The following NALF1 variants were observed in gnomAD, a reference collection of about 807,000 sequenced individuals.
NALF1 encodes the protein family with sequence similarity 155 member A.
A neutral mutation model predicts 48.4 loss-of-function variants in NALF1; 3 were observed. The observed-to-expected ratio is 0.06, with a 90% CI of 0.03 to 0.16. The LOEUF is 0.16. Among genes scored for constraint, NALF1 ranks in the 10% least tolerant of loss-of-function variants. The pLI, the probability that NALF1 is intolerant of heterozygous loss-of-function variation, is 1.00. For missense variants in NALF1, 526 were observed against 571.5 expected (o/e 0.92, Z 0.81); for synonymous variants, 262 against 245.7 (o/e 1.07, Z -0.62).
rs935664851 is a variant in NALF1, at chr13:107,638,565, C to A, written c.915+227117G>T. 2.6e-5 allele frequency among the ~76,000 whole-genome samples: 4 copies of A among 151,976 alleles called. 1 individual carries two copies. The highest frequency in any genetic ancestry group is 9.7e-5 in the African/African-American group (4 of 41,398). ...GGGAGAAGAGGATAAGGGACAATCACAAAGTGAGCTTATTGCTGAATAAGA... is the reference window on the plus strand; with the variant it reads ...GGGAGAAGAGGATAAGGGACAATCAAAAAGTGAGCTTATTGCTGAATAAGA... On this transcript the variant is annotated intron_variant, in intron 1 of 2. Transcript: ENST00000375915.
intron 1 of NALF1, among the ~76,000 whole-genome samples, chr13:107,665,578 T>A (rs1880836786): frequency 6.6e-6 from 1 of 152,126 alleles, no homozygotes; most frequent in Admixed American, 6.6e-5. Flanking sequence ...CCTCTCCATT[T>A]CTGCTCTCAA....
intron 1 of NALF1, among the ~76,000 whole-genome samples, chr13:107,513,941 A>G (rs1345559414): frequency 6.6e-6 from 1 of 152,216 alleles, no homozygotes; most frequent in Non-Finnish European, 1.5e-5. Flanking sequence ...TAACCACTGA[A>G]GACAACTTTA....
intron 1 of NALF1, among the ~76,000 whole-genome samples, chr13:107,760,259 G>A (rs1298487966): frequency 1.3e-5 from 2 of 152,050 alleles, no homozygotes; most frequent in South Asian, 2.1e-4. Flanking sequence ...AACTCTGGAC[G>A]CCTAAGGAGA....
intron 1 of NALF1, among the ~76,000 whole-genome samples, chr13:107,665,700 T>C (rs1566435966): frequency 1.3e-5 from 2 of 152,072 alleles, no homozygotes; most frequent in Non-Finnish European, 2.9e-5. Context: ...TTGTCTTAAA[T>C]GCTTTCAAAA....
chr13:107,736,976 T>C (rs887768552), intron 1 of NALF1, among the ~76,000 whole-genome samples: 2 of 152,212 alleles, frequency 1.3e-5, no homozygotes, highest in African/African-American at 4.8e-5. Flanking sequence ...ATTGGAGCAG[T>C]GCTGCCTTTC....
At chr13:107,438,927 G>C (rs1166541090) in intron 1 of NALF1, among the ~76,000 whole-genome samples, 1 of 147,430 alleles carries the variant, frequency 6.8e-6, no homozygotes, top group Non-Finnish European at 1.5e-5. Context: ...TAAAATCTTA[G>C]ATATATCACA....
At chr13:107,294,513 A>T (rs1881688546) in intron 1 of NALF1, among the ~76,000 whole-genome samples, 1 of 152,236 alleles carries the variant, frequency 6.6e-6, no homozygotes, top group South Asian at 2.1e-4. Context: ...GTATTGAAAA[A>T]GTCATTCATT....
chr13:107,856,098 A>C (rs1299097048), intron 1 of NALF1, among the ~76,000 whole-genome samples: 1 of 152,106 alleles, frequency 6.6e-6, no homozygotes, highest in African/African-American at 2.4e-5. Flanking sequence ...GTAGAGACAG[A>C]GTCTCACTAT....
intron 1 of NALF1, among the ~76,000 whole-genome samples, chr13:107,790,370 G>T (rs1377063313): frequency 6.6e-6 from 1 of 152,078 alleles, no homozygotes; most frequent in African/African-American, 2.4e-5. Flanking sequence ...ATAAAGGGTG[G>T]ATACTAAAAT....
intron 1 of NALF1, among the ~76,000 whole-genome samples, chr13:107,646,585 TTAC>T: frequency 6.6e-6 from 1 of 152,280 alleles, no homozygotes. Flanking sequence ...TTATTCTTAA[TTAC>T]TGAGTAAAAT....
intron 1 of NALF1, among the ~76,000 whole-genome samples, chr13:107,521,040 A>T (rs1876221108): frequency 6.6e-6 from 1 of 152,204 alleles, no homozygotes. Flanking sequence ...TCTAAACATT[A>T]AAAAATAGGA....
At chr13:107,587,375 CT>C (rs1878489326) in intron 1 of NALF1, among the ~76,000 whole-genome samples, 1 of 152,138 alleles carries the variant, frequency 6.6e-6, no homozygotes, top group East Asian at 1.9e-4. Context: ...AATACACTTA[CT>C]GCTAAACTAT....
At chr13:107,590,377 G>A (rs1176288410) in intron 1 of NALF1, among the ~76,000 whole-genome samples, 1 of 152,000 alleles carries the variant, frequency 6.6e-6, no homozygotes, top group East Asian at 1.9e-4. Flanking sequence ...TTATTGTATT[G>A]TGAGATATTG....
chr13:107,384,297 C>T (rs879867699), intron 1 of NALF1, among the ~76,000 whole-genome samples: 2 of 151,852 alleles, frequency 1.3e-5, no homozygotes, highest in Non-Finnish European at 2.9e-5. Context: ...ACAAAAAAAA[C>T]CCTGCCTGCT....
At chr13:107,481,875 T>C (rs1885259528) in intron 1 of NALF1, among the ~76,000 whole-genome samples, 1 of 152,120 alleles carries the variant, frequency 6.6e-6, no homozygotes, top group South Asian at 2.1e-4. Context: ...GGCATAGAAA[T>C]ATCATAAGCT....
chr13:107,280,458 C>T (rs904950888), intron 1 of NALF1, among the ~76,000 whole-genome samples: 1 of 152,188 alleles, frequency 6.6e-6, no homozygotes, highest in Non-Finnish European at 1.5e-5. Flanking sequence ...TTTCATCAAA[C>T]ACTCAAGAGT....
intron 1 of NALF1, among the ~76,000 whole-genome samples, chr13:107,431,305 G>C (rs1401135214): frequency 6.6e-6 from 1 of 152,162 alleles, no homozygotes; most frequent in Non-Finnish European, 1.5e-5. Flanking sequence ...ACTAAGATGA[G>C]TGGGTCTCTC....
At chr13:107,252,712 C>T (rs148746258) in intron 1 of NALF1, among the ~76,000 whole-genome samples, 59 of 152,186 alleles carry the variant, frequency 3.9e-4, no homozygotes, top group African/African-American at 1.3e-3. Context: ...GGTGGGACCA[C>T]GGTTAGGTTT....
At chr13:107,354,476 T>G (rs1378304903) in intron 1 of NALF1, among the ~76,000 whole-genome samples, 1 of 151,902 alleles carries the variant, frequency 6.6e-6, no homozygotes, top group Non-Finnish European at 1.5e-5. Flanking sequence ...AAGTGCTACA[T>G]GCTTTTAAAC....
Sources: allele counts gnomAD v4.1 joint callset (sites outside exome capture counted in the v4.1 genomes callset), GRCh38; gene constraint gnomAD v4.1.1; transcripts MANE v1.5; gene names NCBI Gene and HGNC (gene_info 2026-07-23, HGNC 2026-07-21).